The following COL5A1 variants were observed in gnomAD, a reference collection of about 807,000 sequenced individuals.
The protein encoded by COL5A1 is collagen alpha-1(V) chain.
A neutral mutation model predicts 263.7 loss-of-function variants in COL5A1; 16 were observed. That is an observed-to-expected ratio of 0.06 (90% CI 0.04 to 0.09). The LOEUF (loss-of-function observed/expected upper bound fraction) is 0.09, where lower values mean the gene tolerates loss of function less well. Ranked by LOEUF, COL5A1 falls within the 10% of genes least tolerant of loss-of-function variation. The pLI is 1.00. For synonymous variants in COL5A1, 1,012 were observed against 1,004.5 expected (o/e 1.01, Z -0.14); for missense variants, 2,036 against 2,540.5 (o/e 0.80, Z 4.27).
At chr9:134,683,377 GC>G (rs1281641424) in intron 1 of COL5A1, among the ~76,000 whole-genome samples, 1 of 152,112 alleles carries the variant, frequency 6.6e-6, no homozygotes, top group Non-Finnish European at 1.5e-5. Flanking sequence ...GGAGGGCCAG[GC>G]CAGGGAGCGG....
rs368245632 is a variant in COL5A1, at chr9:134,758,308, C to T, written c.1935+12C>T. ...AGAAGGGCCACAGGGTGAGTATTTC[C>T]TCTGTGAGACACAGGCATGACGATG... On this transcript the variant is annotated intron_variant, in intron 18 of 65. Transcript: ENST00000371817. The surrounding 1 kb of genome is among the most constrained non-coding windows in gnomAD (Gnocchi z 4.1). The T allele has an allele frequency of 1.8e-4, 285 of 1,613,546 alleles. No individual in the cohort carries two copies. Among genetic ancestry groups the T allele is most frequent in the Non-Finnish European group, 2.2e-4 (255 of 1,179,666 alleles).
At chr9:134,672,943 A>G (rs1447172159) in intron 1 of COL5A1, among the ~76,000 whole-genome samples, 3 of 152,248 alleles carry the variant, frequency 2.0e-5, no homozygotes, top group African/African-American at 7.2e-5. Flanking sequence ...ACTTAGAGAT[A>G]TATCTAATGA....
At chr9:134,753,516 A>G (rs768450457) in intron 14 of COL5A1, among the ~76,000 whole-genome samples, 17 of 152,140 alleles carry the variant, frequency 1.1e-4, no homozygotes, top group Non-Finnish European at 2.2e-4. Context: ...GCAGGTGCAT[A>G]CGCTGCTCGA....
rs757348447 is a variant in COL5A1, at chr9:134,772,867, C to T, written c.2331+33C>T. The T allele has an allele frequency of 2.5e-6, 4 of 1,610,558 alleles. No homozygotes were observed. The Admixed American group carries it at 6.7e-5, about 27-fold the overall frequency. ...CTCGCCACGCCCTCCTACCCTTCAG[C>T]ATCCAGGTGGGGCGGGTCCAGGTGC... On this transcript the variant is annotated intron_variant, in intron 26 of 65. Transcript: ENST00000371817.
intron 27 of COL5A1, among the ~76,000 whole-genome samples, chr9:134,778,277 GC>G (rs1228095696): frequency 6.6e-6 from 1 of 152,266 alleles, no homozygotes; most frequent in Non-Finnish European, 1.5e-5. Context: ...CCTCTCAGCA[GC>G]TGGCCCAGCT....
At chr9:134,684,565 C>T (rs577913523) in intron 1 of COL5A1, among the ~76,000 whole-genome samples, 13 of 152,342 alleles carry the variant, frequency 8.5e-5, no homozygotes, top group African/African-American at 1.9e-4. Flanking sequence ...CACCTGGGTG[C>T]GCTGAGCACT....
At chr9:134,691,871 G>C (rs1216765907) in intron 2 of COL5A1, 1 of 152,246 alleles carries the variant, frequency 6.6e-6, no homozygotes, top group East Asian at 1.9e-4. Flanking sequence ...TTAGAAGACA[G>C]CGCAGCATCT....
At chr9:134,814,591 A>C (rs757479521) in intron 49 of COL5A1, among the ~76,000 whole-genome samples, 4 of 152,210 alleles carry the variant, frequency 2.6e-5, no homozygotes, top group Non-Finnish European at 4.4e-5. Context: ...CAGAAAGTGA[A>C]GGCTCCTCAG....
At chr9:134,725,267 C>T (rs564882962) in intron 4 of COL5A1, among the ~76,000 whole-genome samples, 1 of 152,310 alleles carries the variant, frequency 6.6e-6, no homozygotes, top group African/African-American at 2.4e-5. Context: ...CAGGTGACCT[C>T]ACAGGTCCTC....
Position 134,765,326 on chromosome 9 carries a change from T to G in COL5A1, c.2035-355T>G, listed in dbSNP as rs1175822307. 6.6e-6 allele frequency among the ~76,000 whole-genome samples: 1 copy of G among 151,974 alleles called. No individual in the cohort carries two copies. The highest frequency in any genetic ancestry group is 1.9e-4 in the East Asian group (1 of 5,174). ...GATAGGGCACAAGGGCTCCGTGCAG[T>G]GGAATGTTATAGCGTGGTGATTCTC... On this transcript the variant is annotated intron_variant, in intron 20 of 65. Transcript: ENST00000371817. The surrounding 1 kb of genome is among the most constrained non-coding windows in gnomAD (Gnocchi z 5.1).
chr9:134,781,486 C>T (rs922321948), intron 28 of COL5A1, among the ~76,000 whole-genome samples: 2 of 152,244 alleles, frequency 1.3e-5, no homozygotes, highest in Admixed American at 6.5e-5. Context: ...GGCTCCCTCA[C>T]CTGAGGACCT....
At chr9:134,685,582 ATCC>A (rs755600414) in intron 1 of COL5A1, among the ~76,000 whole-genome samples, 1,348 of 56,744 alleles carry the variant, frequency 0.024, no homozygotes, top group South Asian at 0.048. Context: ...CCATCCATCC[ATCC>A]TCCATCCATC....
intron 42 of COL5A1, 43 bp downstream of exon 42, chr9:134,806,339 G>C (rs370150486): frequency 5.0e-6 from 7 of 1,403,906 alleles, no homozygotes; most frequent in East Asian, 5.0e-5. Flanking sequence ...CCTCAGAGAT[G>C]CTGGGGTCGT....
chr9:134,714,359 G>T (rs1834171176), intron 4 of COL5A1, among the ~76,000 whole-genome samples: 1 of 150,732 alleles, frequency 6.6e-6, no homozygotes. Flanking sequence ...TGATAACAGT[G>T]GTGTGGTGGT....
At chr9:134,772,989 C>A (rs1836914771) in intron 26 of COL5A1, among the ~76,000 whole-genome samples, 155 bp downstream of exon 26, 1 of 152,090 alleles carries the variant, frequency 6.6e-6, no homozygotes, top group East Asian at 1.9e-4. Context: ...GGGACCCAGC[C>A]TGGGGGGGAC....
chr9:134,736,299 G>A (rs542106387), intron 9 of COL5A1, among the ~76,000 whole-genome samples: 1 of 152,390 alleles, frequency 6.6e-6, no homozygotes, highest in South Asian at 2.1e-4. Context: ...AGGTCAGGAA[G>A]TCACATATAG....
At chr9:134,810,877 C>T (rs1838495935) in intron 44 of COL5A1, among the ~76,000 whole-genome samples, 1 of 152,126 alleles carries the variant, frequency 6.6e-6, no homozygotes, top group East Asian at 1.9e-4. Flanking sequence ...TTCTTCCAGC[C>T]GTGGGTTGGG....
At chr9:134,676,561 A>G (rs770035164) in intron 1 of COL5A1, among the ~76,000 whole-genome samples, 39 of 91,998 alleles carry the variant, frequency 4.2e-4, no homozygotes, top group Non-Finnish European at 6.4e-4. Flanking sequence ...AGGTCAATGC[A>G]TGTGTACATC....
In COL5A1 at chr9:134,681,934, T is replaced by C. The variant is rs1832870995; in HGVS notation, c.110-8978T>C. 6.6e-6 allele frequency among the ~76,000 whole-genome samples: 1 copy of C among 151,846 alleles called. No homozygotes were observed. Among genetic ancestry groups the C allele is most frequent in the Non-Finnish European group, 1.5e-5 (1 of 67,976 alleles). On this transcript the variant is annotated intron_variant, in intron 1 of 65. Transcript: ENST00000371817. This position sits in a 1 kb window ranked among gnomAD's most constrained non-coding sequence, Gnocchi z 4.3. ...TTCTGTCTGTGTAGCTCTCTCTCTC[T>C]CCCTCTCTCTCCCCATCTCTCCCTC...
Sources: gnomAD v4.1 joint callset for allele counts (sites outside exome capture counted in the v4.1 genomes callset) on GRCh38, gnomAD v4.1.1 for gene constraint, Gnocchi (gnomAD v3.1) non-coding constraint, MANE v1.5 for transcripts, NCBI Gene and HGNC (gene_info 2026-07-23, HGNC 2026-07-21) for gene names.